Variants in GLYATL2 observed in about 807,000 individuals in gnomAD.
GLYATL2 encodes the protein glycine N-acyltransferase-like protein 2.
Under a neutral mutation model 21.4 loss-of-function variants are expected in GLYATL2, and 25 were observed. That is an observed-to-expected ratio of 1.17 (90% CI 0.85 to 1.63). GLYATL2 has a LOEUF of 1.63. Ranked by LOEUF, GLYATL2 falls within the 40% of genes most tolerant of loss-of-function variation. The probability of loss-of-function intolerance (pLI) is 0.00; values close to 1 mark genes in which losing one functional copy is unlikely to be tolerated. For missense variants in GLYATL2, 361 were observed against 343.3 expected, an observed-to-expected ratio of 1.05 and a Z score of -0.41; for synonymous variants, 114 against 118.2, an observed-to-expected ratio of 0.96 and a Z score of 0.23.
chr11:58,878,335 G>A, intron 1 of GLYATL2: 1 of 632,788 alleles, frequency 1.6e-6, no homozygotes, highest in African/African-American at 1.9e-5. Flanking sequence ...GCTACATGCA[G>A]GATCCACTTG....
At chr11:58,858,286 C>T (rs1853868137) in intron 1 of GLYATL2, among the ~76,000 whole-genome samples, 1 of 152,112 alleles carries the variant, frequency 6.6e-6, no homozygotes, top group African/African-American at 2.4e-5. Context: ...GGAAACAGCC[C>T]CTCTTGCCCT....
At chr11:58,851,492 A>G (rs771922795) in intron 1 of GLYATL2, among the ~76,000 whole-genome samples, 1 of 152,218 alleles carries the variant, frequency 6.6e-6, no homozygotes, top group Non-Finnish European at 1.5e-5. Context: ...TTGGTTTGCT[A>G]GTATTTTGTT....
At chr11:58,898,662 C>T (rs1034304444) in intron 1 of GLYATL2, among the ~76,000 whole-genome samples, 6 of 151,244 alleles carry the variant, frequency 4.0e-5, no homozygotes, top group Admixed American at 6.6e-5. Context: ...TGGGAAACCC[C>T]GCCTCTACTA....
rs369053038 is a variant in GLYATL2 at position 58,901,259 on chromosome 11, G to T, written n.60+2897C>A. Among the ~76,000 whole-genome samples the T allele has an allele frequency of 1.1e-4, 16 of 152,282 alleles. No homozygotes were observed. In the East Asian group the frequency reaches 1.2e-3, roughly 11 times the overall value. ...ATTACCGAGCCACAGTCCAACCAAAGGTATCAAAACAGGATCTCTACCGAT... is the reference window on the plus strand; with the variant it reads ...ATTACCGAGCCACAGTCCAACCAAATGTATCAAAACAGGATCTCTACCGAT... On this transcript the variant is annotated intron_variant and non_coding_transcript_variant, in intron 1 of 4. Coordinates refer to the GLYATL2 transcript ENST00000533636.
intron 5 of GLYATL2, 109 bp downstream of exon 5, chr11:58,836,906 T>G: frequency 1.1e-6 from 1 of 930,120 alleles, no homozygotes; most frequent in Non-Finnish European, 1.7e-6. Context: ...CCCATGCAAT[T>G]GTGTAGCCCA....
intron 1 of GLYATL2, chr11:58,892,878 CTTGT>C: frequency 3.2e-6 from 1 of 311,194 alleles, no homozygotes; most frequent in Non-Finnish European, 6.4e-6. Flanking sequence ...ATTGCTATTC[CTTGT>C]ACTTTTTTGT....
Position 58,837,337 on chromosome 11 carries a change from C to G in GLYATL2, c.247G>C (p.Asp83His), listed in dbSNP as rs908814191. ...NTYHIFTKAPDKLEEVLSYSN... is the reference protein window; with the variant it reads ...NTYHIFTKAPHKLEEVLSYSN... ...TATGACAGGACTTCCTCTAATTTGT[C>G]AGGAGCTTTGGTGAAGATGTGGTAA... Residue 83 changes from aspartate (D) to histidine (H), a missense_variant, in exon 4 of 6, where the codon GAC becomes CAC. Asp to His is a moderately conservative substitution (Grantham distance 81, BLOSUM62 -1). Transcript: ENST00000287275. 1 of 1,613,894 alleles carries G rather than the reference C, an allele frequency of 6.2e-7. No individual in the cohort carries two copies. The highest frequency in any genetic ancestry group is 1.3e-5 in the African/African-American group (1 of 75,052).
At chr11:58,847,513 G>T (rs1319851519), upstream of GLYATL2, among the ~76,000 whole-genome samples, 1 of 152,178 alleles carries the variant, frequency 6.6e-6, no homozygotes, top group African/African-American at 2.4e-5. Context: ...ACTACAAGCT[G>T]ATTTAAGAGC....
At chr11:58,882,778 C>T (rs982248511) in intron 1 of GLYATL2, among the ~76,000 whole-genome samples, 1 of 152,168 alleles carries the variant, frequency 6.6e-6, no homozygotes, top group Admixed American at 6.5e-5. Flanking sequence ...AGGAAGGGAT[C>T]CAGTTTCAGC....
chr11:58,847,179 T>A (rs1470900424), upstream of GLYATL2, among the ~76,000 whole-genome samples: 1 of 152,016 alleles, frequency 6.6e-6, no homozygotes, highest in African/African-American at 2.4e-5. Flanking sequence ...CTGAATAACC[T>A]ACAGCAGTAC....
chr11:58,858,154 A>C (rs910056840), intron 1 of GLYATL2, among the ~76,000 whole-genome samples: 1 of 152,150 alleles, frequency 6.6e-6, no homozygotes, highest in African/African-American at 2.4e-5. Flanking sequence ...AAGTACCTTC[A>C]AGTGCAGCCC....
intron 5 of GLYATL2, among the ~76,000 whole-genome samples, chr11:58,835,975 G>A (rs1180551134): frequency 6.6e-6 from 1 of 152,094 alleles, no homozygotes; most frequent in Non-Finnish European, 1.5e-5. Flanking sequence ...ATGTATCTGT[G>A]AGTGTGTGTT....
chr11:58,908,195 CT>C (rs1216037134), upstream of GLYATL2: 1 of 152,224 alleles, frequency 6.6e-6, no homozygotes, highest in Non-Finnish European at 1.5e-5. Context: ...CTCAGGGAAA[CT>C]GCCAGGTTCT....
chr11:58,899,569 A>C (rs1157558098), intron 1 of GLYATL2, among the ~76,000 whole-genome samples: 1 of 152,156 alleles, frequency 6.6e-6, no homozygotes, highest in Non-Finnish European at 1.5e-5. Flanking sequence ...GAGAGGAAAC[A>C]GGAAGGGGTT....
At chr11:58,860,603 G>T (rs1416217010) in intron 1 of GLYATL2, among the ~76,000 whole-genome samples, 1 of 151,896 alleles carries the variant, frequency 6.6e-6, no homozygotes, top group African/African-American at 2.4e-5. Flanking sequence ...TTTTTCTCTT[G>T]CCTAATTGCT....
At chr11:58,886,213 T>C (rs2134617401) in intron 1 of GLYATL2, among the ~76,000 whole-genome samples, 1 of 152,144 alleles carries the variant, frequency 6.6e-6, no homozygotes, top group South Asian at 2.1e-4. Flanking sequence ...TGGGATCCTG[T>C]CTTAAAAAAA....
chr11:58,854,552 G>T (rs1400535499), intron 1 of GLYATL2, among the ~76,000 whole-genome samples: 4 of 152,204 alleles, frequency 2.6e-5, no homozygotes, highest in Admixed American at 6.5e-5. Context: ...CTGGTGCAAG[G>T]TCTTATTTTA....
intron 1 of GLYATL2, among the ~76,000 whole-genome samples, chr11:58,893,978 C>T (rs1854590819): frequency 1.3e-5 from 2 of 152,104 alleles, no homozygotes; most frequent in Non-Finnish European, 2.9e-5. Flanking sequence ...AGACAAATGG[C>T]TTTCCTAGGC....
chr11:58,854,698 A>G (rs977980073), intron 1 of GLYATL2, among the ~76,000 whole-genome samples: 20 of 152,016 alleles, frequency 1.3e-4, no homozygotes, highest in Non-Finnish European at 1.9e-4. Flanking sequence ...TGAAATCAAA[A>G]TGCTATTTGG....
Sources: allele counts gnomAD v4.1 joint callset (sites outside exome capture counted in the v4.1 genomes callset), GRCh38; gene constraint gnomAD v4.1.1; transcripts MANE v1.5; gene names NCBI Gene and HGNC (gene_info 2026-07-23, HGNC 2026-07-21).